SLC25A26: variants seen among roughly 807,000 people sequenced by gnomAD.
SLC25A26 encodes the protein solute carrier family 25 member 26.
Under a neutral mutation model 37.8 loss-of-function variants are expected in SLC25A26, and 36 were observed. The observed-to-expected ratio is 0.95, with a 90% CI of 0.73 to 1.26. SLC25A26 has a LOEUF of 1.26. SLC25A26 is among the 50% of genes most tolerant of loss of function. SLC25A26 has a pLI of 0.00. For synonymous variants in SLC25A26, 129 were observed against 122.5 expected (o/e 1.05, Z -0.35); for missense variants, 390 against 331.1 (o/e 1.18, Z -1.38).
At chr3:66,232,404 A>T (rs1424410764) in intron 1 of SLC25A26, among the ~76,000 whole-genome samples, 2 of 152,216 alleles carry the variant, frequency 1.3e-5, no homozygotes, top group African/African-American at 4.8e-5. Flanking sequence ...GCCTTCTAAA[A>T]TATAGATAGT....
intron 9 of SLC25A26, among the ~76,000 whole-genome samples, 162 bp from the exon 10 acceptor site, chr3:66,377,528 T>C (rs1040913203): frequency 2.0e-5 from 3 of 151,884 alleles, no homozygotes; most frequent in Non-Finnish European, 4.4e-5. Context: ...AGAACTACTG[T>C]TGGGACACAG....
At chr3:66,180,713 C>T (rs1408563193) in intron 1 of SLC25A26, among the ~76,000 whole-genome samples, 6 of 146,200 alleles carry the variant, frequency 4.1e-5, no homozygotes, top group Non-Finnish European at 6.0e-5. Context: ...TCACTGGGGG[C>T]GGGGTGGGGG....
intron 5 of SLC25A26, among the ~76,000 whole-genome samples, chr3:66,282,113 G>A (rs1336242141): frequency 6.3e-5 from 9 of 143,946 alleles, no homozygotes; most frequent in African/African-American, 2.1e-4. Context: ...CCAGGTTCAC[G>A]CCATTCTCCT....
At chr3:66,364,600 C>T (rs1044397103) in intron 7 of SLC25A26, among the ~76,000 whole-genome samples, 2 of 152,156 alleles carry the variant, frequency 1.3e-5, no homozygotes, top group African/African-American at 2.4e-5. Context: ...ACAATTCCTA[C>T]CTTAGGGGAT....
intron 3 of SLC25A26, among the ~76,000 whole-genome samples, chr3:66,260,128 T>G (rs1193034250): frequency 6.6e-6 from 1 of 152,180 alleles, no homozygotes. Context: ...TTGGGCAGTT[T>G]CTCTGAATCT....
chr3:66,301,491 G>A (rs1340304331), intron 5 of SLC25A26, among the ~76,000 whole-genome samples: 1 of 152,140 alleles, frequency 6.6e-6, no homozygotes, highest in Admixed American at 6.5e-5. Flanking sequence ...TTCTGCATCT[G>A]TTTGTTAGTA....
intron 1 of SLC25A26, among the ~76,000 whole-genome samples, chr3:66,187,560 C>A (rs1293119963): frequency 1.3e-5 from 2 of 152,052 alleles, no homozygotes; most frequent in Admixed American, 1.3e-4. Flanking sequence ...CTTACCCTGG[C>A]CCTGAACTTT....
At chr3:66,291,122 C>T (rs754554522) in intron 5 of SLC25A26, among the ~76,000 whole-genome samples, 3 of 152,154 alleles carry the variant, frequency 2.0e-5, no homozygotes, top group Admixed American at 6.5e-5. Context: ...ATAGTATTCT[C>T]TGATAGTAGT....
At chr3:66,226,393 C>A (rs1553660611) in intron 1 of SLC25A26, among the ~76,000 whole-genome samples, 1 of 152,172 alleles carries the variant, frequency 6.6e-6, no homozygotes, top group Non-Finnish European at 1.5e-5. Flanking sequence ...CAGGCCCCTC[C>A]CACAACATGT....
intron 3 of SLC25A26, among the ~76,000 whole-genome samples, chr3:66,243,840 A>T (rs900036041): frequency 6.6e-5 from 10 of 152,236 alleles, no homozygotes; most frequent in African/African-American, 2.2e-4. Flanking sequence ...TTTGGCTTCC[A>T]GCTCCTCCAG....
chr3:66,202,271 A>G (rs878988977), intron 1 of SLC25A26, among the ~76,000 whole-genome samples: 82,553 of 151,870 alleles, frequency 0.54, 24,783 homozygotes, highest in Middle Eastern at 0.79. Flanking sequence ...ACAGAAAACC[A>G]AACACCACAT....
At chr3:66,289,366 CT>C (rs2074626208) in intron 5 of SLC25A26, among the ~76,000 whole-genome samples, 2 of 152,156 alleles carry the variant, frequency 1.3e-5, no homozygotes, top group South Asian at 4.1e-4. Flanking sequence ...GTTGCCATTG[CT>C]TTTGGTGTTT....
chr3:66,144,174 G>A (rs898872871), intron 1 of SLC25A26, among the ~76,000 whole-genome samples: 3 of 152,086 alleles, frequency 2.0e-5, no homozygotes, highest in Non-Finnish European at 4.4e-5. Flanking sequence ...GGAACCAACT[G>A]TATCAAGATC....
At chr3:66,134,164 T>G (rs1348625988) in intron 1 of SLC25A26, among the ~76,000 whole-genome samples, 1 of 152,232 alleles carries the variant, frequency 6.6e-6, no homozygotes. Flanking sequence ...CTTGGTCTTT[T>G]TTATCTCTTT....
intron 5 of SLC25A26, among the ~76,000 whole-genome samples, chr3:66,301,103 G>C (rs896276525): frequency 6.6e-6 from 1 of 152,134 alleles, no homozygotes; most frequent in Non-Finnish European, 1.5e-5. Flanking sequence ...TTCTGAAATG[G>C]AAGATAGGGT....
chr3:66,221,601 A>G (rs1212283658), intron 1 of SLC25A26, among the ~76,000 whole-genome samples: 1 of 151,862 alleles, frequency 6.6e-6, no homozygotes, highest in Non-Finnish European at 1.5e-5. Flanking sequence ...TTCAATACAT[A>G]ATCTGCTATT....
At chr3:66,258,004 A>G (rs2073372592) in intron 3 of SLC25A26, among the ~76,000 whole-genome samples, 1 of 152,170 alleles carries the variant, frequency 6.6e-6, no homozygotes. Context: ...TGCCATCAAC[A>G]TTGATCCTGG....
At chr3:66,311,652 A>T (rs1433986358) in intron 5 of SLC25A26, among the ~76,000 whole-genome samples, 1 of 151,592 alleles carries the variant, frequency 6.6e-6, no homozygotes, top group African/African-American at 2.4e-5. Flanking sequence ...TTTGACGCGG[A>T]TGACTTTTGG....
chr3:66,336,697 C>G (rs958412618), intron 5 of SLC25A26, among the ~76,000 whole-genome samples: 1 of 152,144 alleles, frequency 6.6e-6, no homozygotes, highest in Non-Finnish European at 1.5e-5. Flanking sequence ...TTGCTTCTTA[C>G]ATACAAGAAG....
Sources: allele counts gnomAD v4.1 joint callset (sites outside exome capture counted in the v4.1 genomes callset), GRCh38; gene constraint gnomAD v4.1.1; transcripts MANE v1.5; gene names NCBI Gene and HGNC (gene_info 2026-07-23, HGNC 2026-07-21).